NPAS3: variants seen among roughly 807,000 people sequenced by gnomAD.
NPAS3 encodes neuronal PAS domain protein 3, also known as neuronal PAS domain-containing protein 3.
A neutral mutation model predicts 73.1 loss-of-function variants in NPAS3; 14 were observed. That is an observed-to-expected ratio of 0.19 (90% CI 0.13 to 0.30). NPAS3 has a LOEUF of 0.30. NPAS3 is among the 10% of genes least tolerant of loss of function. The probability of loss-of-function intolerance (pLI) is 1.00; values close to 1 mark genes in which losing one functional copy is unlikely to be tolerated. For synonymous variants in NPAS3, 620 were observed against 541.5 expected (o/e 1.14, Z -2.01); for missense variants, 1,096 against 1,250.0 (o/e 0.88, Z 1.86).
intron 4 of NPAS3, among the ~76,000 whole-genome samples, chr14:33,542,144 C>T (rs1389456512): frequency 1.3e-5 from 2 of 152,154 alleles, no homozygotes; most frequent in Non-Finnish European, 2.9e-5. Context: ...TGGCTTTCTC[C>T]TGACAACTTT....
intron 5 of NPAS3, among the ~76,000 whole-genome samples, chr14:33,644,494 G>A (rs1053966204): frequency 6.6e-6 from 1 of 152,146 alleles, no homozygotes; most frequent in South Asian, 2.1e-4. Flanking sequence ...TTTTCCTAGT[G>A]TCCTTCCCTT....
intron 6 of NPAS3, among the ~76,000 whole-genome samples, chr14:33,683,941 C>T (rs563842152): frequency 2.0e-5 from 3 of 152,174 alleles, no homozygotes; most frequent in Admixed American, 2.0e-4. Context: ...CACCACATCC[C>T]TCTGAGGCAG....
At chr14:32,967,811 T>A (rs559858054) in intron 1 of NPAS3, among the ~76,000 whole-genome samples, 15 of 152,204 alleles carry the variant, frequency 9.9e-5, no homozygotes, top group Admixed American at 9.8e-4. Flanking sequence ...TAGTATCATA[T>A]GATCCAACAA....
chr14:33,279,723 G>A (rs149033827), intron 3 of NPAS3, among the ~76,000 whole-genome samples: 1 of 152,028 alleles, frequency 6.6e-6, no homozygotes, highest in Non-Finnish European at 1.5e-5. Context: ...GAAAACATTG[G>A]GGGGAAGGAA....
intron 5 of NPAS3, among the ~76,000 whole-genome samples, chr14:33,635,347 G>A (rs1175629417): frequency 6.6e-6 from 1 of 152,138 alleles, no homozygotes; most frequent in African/African-American, 2.4e-5. Flanking sequence ...AATTGGATGT[G>A]AGGAAGTAGA....
At chr14:33,418,628 A>C (rs2138999099) in intron 4 of NPAS3, among the ~76,000 whole-genome samples, 1 of 151,762 alleles carries the variant, frequency 6.6e-6, no homozygotes, top group South Asian at 2.1e-4. Flanking sequence ...TATACTAGCA[A>C]TTTTATTTTT....
At chr14:33,011,626 T>C (rs960225566) in intron 1 of NPAS3, among the ~76,000 whole-genome samples, 8 of 152,212 alleles carry the variant, frequency 5.3e-5, no homozygotes, top group Non-Finnish European at 8.8e-5. Context: ...CCTGCTGTAA[T>C]TCATAAGAAA....
chr14:33,338,824 C>T (rs1376831753), intron 3 of NPAS3, among the ~76,000 whole-genome samples: 1 of 152,068 alleles, frequency 6.6e-6, no homozygotes, highest in African/African-American at 2.4e-5. Context: ...GAAGACATCC[C>T]ATACTCAAAC....
intron 4 of NPAS3, among the ~76,000 whole-genome samples, chr14:33,524,549 G>A (rs1310818090): frequency 6.6e-6 from 1 of 152,256 alleles, no homozygotes; most frequent in South Asian, 2.1e-4. Context: ...TGATCTTAAA[G>A]CTTATGGTTG....
intron 4 of NPAS3, among the ~76,000 whole-genome samples, chr14:33,458,842 G>A (rs1837513): frequency 6.6e-6 from 1 of 152,104 alleles, no homozygotes; most frequent in African/African-American, 2.4e-5. Flanking sequence ...TACAGGAAAG[G>A]GGTCCCGATC....
intron 5 of NPAS3, among the ~76,000 whole-genome samples, chr14:33,622,277 G>A (rs761264644): frequency 1.3e-5 from 2 of 151,816 alleles, no homozygotes; most frequent in East Asian, 1.9e-4. Context: ...ATAAGAAAGC[G>A]GATTTCCGTA....
chr14:33,674,811 C>CTGAT (rs1483437227), intron 5 of NPAS3, among the ~76,000 whole-genome samples: 22 of 152,246 alleles, frequency 1.4e-4, no homozygotes, highest in Middle Eastern at 3.4e-3. Flanking sequence ...CCTATGTTAA[C>CTGAT]TGATAGATGT....
At chr14:33,230,649 C>G (rs1245579675) in intron 3 of NPAS3, among the ~76,000 whole-genome samples, 1 of 152,074 alleles carries the variant, frequency 6.6e-6, no homozygotes, top group African/African-American at 2.4e-5. Context: ...CAGAGAAGAC[C>G]ATAGAGTATT....
At chr14:33,581,876 C>A (rs755228406) in intron 5 of NPAS3, among the ~76,000 whole-genome samples, 42 of 152,122 alleles carry the variant, frequency 2.8e-4, no homozygotes, top group Non-Finnish European at 5.3e-4. Flanking sequence ...GCCCAGCCAC[C>A]TTTTTTCAGT....
chr14:33,219,102 C>T (rs1393658260), intron 3 of NPAS3, among the ~76,000 whole-genome samples: 1 of 152,152 alleles, frequency 6.6e-6, no homozygotes, highest in Non-Finnish European at 1.5e-5. Flanking sequence ...AATGACCAGG[C>T]ATTCTCAGCA....
At chr14:33,572,342 G>A (rs1005596294) in intron 5 of NPAS3, among the ~76,000 whole-genome samples, 4 of 152,044 alleles carry the variant, frequency 2.6e-5, no homozygotes, top group African/African-American at 7.2e-5. Context: ...AGGAAAGGAC[G>A]CTTGGAAGAA....
chr14:33,311,508 A>C (rs1270245068), intron 3 of NPAS3, among the ~76,000 whole-genome samples: 1 of 152,082 alleles, frequency 6.6e-6, no homozygotes, highest in Non-Finnish European at 1.5e-5. Context: ...TTCTTTTAAT[A>C]CTACTGAACT....
chr14:32,981,017 T>G (rs2037876384), intron 1 of NPAS3, among the ~76,000 whole-genome samples: 1 of 152,050 alleles, frequency 6.6e-6, no homozygotes, highest in Non-Finnish European at 1.5e-5. Flanking sequence ...CCTCCAGTGG[T>G]TCTTGCTGTT....
chr14:33,732,400 G>C (rs2061423415), intron 6 of NPAS3, among the ~76,000 whole-genome samples: 1 of 152,220 alleles, frequency 6.6e-6, no homozygotes, highest in Non-Finnish European at 1.5e-5. Flanking sequence ...GTCACATGCA[G>C]ATAATCTGTC....
Sources: allele counts gnomAD v4.1 joint callset (sites outside exome capture counted in the v4.1 genomes callset), GRCh38; gene constraint gnomAD v4.1.1; transcripts MANE v1.5; gene names NCBI Gene and HGNC (gene_info 2026-07-23, HGNC 2026-07-21).